Variants in ZNF599 observed in about 807,000 individuals in gnomAD.
ZNF599 encodes the protein zinc finger protein 599.
A neutral mutation model predicts 11.7 loss-of-function variants in ZNF599; 10 were observed. The ratio of observed to expected loss-of-function variants is 0.86; its 90% CI spans 0.53 to 1.45. The LOEUF (loss-of-function observed/expected upper bound fraction) is 1.45, where lower values mean the gene tolerates loss of function less well. Ranked by LOEUF, ZNF599 falls within the 40% of genes most tolerant of loss-of-function variation. The pLI is 0.00. For missense variants in ZNF599, 688 were observed against 713.6 expected, an observed-to-expected ratio of 0.96 and a Z score of 0.41; for synonymous variants, 232 against 253.2, an observed-to-expected ratio of 0.92 and a Z score of 0.79.
upstream of ZNF599, among the ~76,000 whole-genome samples, chr19:34,777,403 T>TA (rs1491215108): frequency 1.1e-5 from 1 of 88,504 alleles, no homozygotes; most frequent in Non-Finnish European, 2.0e-5. Context: ...TAATATATAT[T>TA]ATATATAATA....
At chr19:34,789,171 CT>C in the ZNF599 span, among the ~76,000 whole-genome samples, 146 of 152,236 alleles carry the variant, frequency 9.6e-4, no homozygotes, top group African/African-American at 3.4e-3. Context: ...GTAAAATTTG[CT>C]TTTCTGTGCC....
At chr19:34,777,445 A>G (rs1301724929), upstream of ZNF599, among the ~76,000 whole-genome samples, 1 of 97,516 alleles carries the variant, frequency 1.0e-5, no homozygotes, top group Non-Finnish European at 1.9e-5. Flanking sequence ...TATGATATAT[A>G]TTAATTAATA....
chr19:34,762,191 A>C (rs2069117454), intron 3 of ZNF599, among the ~76,000 whole-genome samples: 1 of 152,226 alleles, frequency 6.6e-6, no homozygotes, highest in Admixed American at 6.5e-5. Context: ...CATATTATGC[A>C]CTGATATTTC....
chr19:34,767,461 G>C (rs765840564), intron 2 of ZNF599, 50 bp from the exon 3 acceptor site: 42 of 1,489,524 alleles, frequency 2.8e-5, no homozygotes, highest in Non-Finnish European at 3.9e-5. Context: ...AAGACAAAAA[G>C]AAAAGTCTGA....
At position 34,758,256 on chromosome 19, in the gene ZNF599, T is replaced by G. The variant is rs552895557; in HGVS notation, c.*778A>C. On this transcript the variant is annotated 3_prime_UTR_variant, in exon 4 of 4. Transcript: ENST00000329285. ...AACGCTGTATTTCCCCTAGCAACAATCATTCAGCATTCACTAATTCAGTGT... is the reference window on the plus strand; with the variant it reads ...AACGCTGTATTTCCCCTAGCAACAAGCATTCAGCATTCACTAATTCAGTGT... The G allele has an allele frequency of 1.3e-5, 2 of 152,204 alleles. No individual in the cohort carries two copies. The highest frequency in any genetic ancestry group is 4.1e-4 in the South Asian group (2 of 4,824). 9.4% of individuals were successfully genotyped at this position (152,204 alleles called of 1,614,324 possible). A position where few individuals can be genotyped will look rare whatever the true frequency, so the allele number is the denominator to read the frequency against.
chr19:34,801,881 A>G, the ZNF599 span, among the ~76,000 whole-genome samples: 3 of 152,150 alleles, frequency 2.0e-5, no homozygotes, highest in African/African-American at 7.2e-5. Flanking sequence ...TGAAAGGATC[A>G]TTTTCCACAT....
At chr19:34,789,309 A>G in the ZNF599 span, among the ~76,000 whole-genome samples, 1 of 152,190 alleles carries the variant, frequency 6.6e-6, no homozygotes, top group African/African-American at 2.4e-5. Flanking sequence ...TAACATTGCA[A>G]TGAACATCAG....
At chr19:34,780,983 C>T in the ZNF599 span, among the ~76,000 whole-genome samples, 11 of 151,806 alleles carry the variant, frequency 7.2e-5, no homozygotes, top group Middle Eastern at 3.2e-3. Flanking sequence ...GATGAAACCC[C>T]ATCTCTACTA....
intron 1 of ZNF599, among the ~76,000 whole-genome samples, chr19:34,771,291 G>C (rs1348118486): frequency 6.6e-6 from 1 of 152,042 alleles, no homozygotes; most frequent in African/African-American, 2.4e-5. Context: ...TTTTATGCTC[G>C]ACATACTGGA....
At chr19:34,807,220 G>A in the ZNF599 span, among the ~76,000 whole-genome samples, 1 of 152,158 alleles carries the variant, frequency 6.6e-6, no homozygotes, top group Non-Finnish European at 1.5e-5. Context: ...TAAACACCAG[G>A]GCCTAGACTG....
chr19:34,770,340 C>T (rs191779461), intron 1 of ZNF599, among the ~76,000 whole-genome samples: 3 of 152,378 alleles, frequency 2.0e-5, no homozygotes, highest in Admixed American at 1.3e-4. Context: ...TGTACTCCTC[C>T]ATCACCACAG....
chr19:34,769,178 A>T (rs1321411983), intron 2 of ZNF599, among the ~76,000 whole-genome samples: 14 of 152,218 alleles, frequency 9.2e-5, no homozygotes, highest in Admixed American at 9.2e-4. Context: ...GCAGTCTGGG[A>T]TAAAGATGTC....
At chr19:34,791,119 G>A in the ZNF599 span, among the ~76,000 whole-genome samples, 1 of 152,148 alleles carries the variant, frequency 6.6e-6, no homozygotes, top group African/African-American at 2.4e-5. Context: ...CTAAATGTAG[G>A]CTAAGTGTAC....
chr19:34,798,921 A>G, the ZNF599 span, among the ~76,000 whole-genome samples: 1 of 151,860 alleles, frequency 6.6e-6, no homozygotes, highest in Non-Finnish European at 1.5e-5. Context: ...CCCTCCCCCA[A>G]TCTCCTGGCA....
rs994079983 is a variant in ZNF599, at chr19:34,773,133, T to C, written c.-292A>G. 1.5e-5 allele frequency: 6 copies of C among 399,536 alleles called. No homozygotes were observed. The highest frequency in any genetic ancestry group is 8.8e-5 in the Admixed American group (2 of 22,832). 24.7% of individuals were successfully genotyped at this position (399,536 alleles called of 1,614,324 possible). ...TCCGTCTCTACTCGGTCTCGAAAAGTGGCCCCTGTCTGGCGTTCTACCCAG... is the reference window on the plus strand; with the variant it reads ...TCCGTCTCTACTCGGTCTCGAAAAGCGGCCCCTGTCTGGCGTTCTACCCAG... On this transcript the variant is annotated 5_prime_UTR_variant, in exon 1 of 4. Coordinates refer to ENST00000329285, the MANE Select transcript of ZNF599 (RefSeq NM_001007248.3).
chr19:34,766,690 G>T (rs2069146115), intron 3 of ZNF599, among the ~76,000 whole-genome samples: 1 of 152,158 alleles, frequency 6.6e-6, no homozygotes. Flanking sequence ...ATAAGTATAT[G>T]TTCACTATAC....
In ZNF599 at chr19:34,771,991, G is replaced by A. The variant is rs567872182; in HGVS notation, c.18+833C>T. Reference sequence around the variant, plus strand: ...TCTCTCTGAAGAGACCCTGGAACAAGGTTAGATTGAAGTTAGAGAACAGAC... The same window carrying A: ...TCTCTCTGAAGAGACCCTGGAACAAAGTTAGATTGAAGTTAGAGAACAGAC... On this transcript the variant is annotated intron_variant, in intron 1 of 3. Transcript: ENST00000329285. 3.3e-5 allele frequency among the ~76,000 whole-genome samples: 5 copies of A among 152,270 alleles called. No individual in the cohort carries two copies. The South Asian group carries it at 1.0e-3, about 32-fold the overall frequency.
chr19:34,784,388 C>T, the ZNF599 span, among the ~76,000 whole-genome samples: 3 of 152,198 alleles, frequency 2.0e-5, no homozygotes, highest in African/African-American at 4.8e-5. Context: ...TATAAAGACT[C>T]TATTTCCAAA....
At chr19:34,788,673 A>T in the ZNF599 span, 7 of 152,230 alleles carry the variant, frequency 4.6e-5, no homozygotes, top group Non-Finnish European at 7.3e-5. Flanking sequence ...GAGAAGGCAC[A>T]TCTGTGGATT....
Sources: gnomAD v4.1 joint callset for allele counts (sites outside exome capture counted in the v4.1 genomes callset) on GRCh38, gnomAD v4.1.1 for gene constraint, MANE v1.5 for transcripts, NCBI Gene and HGNC (gene_info 2026-07-23, HGNC 2026-07-21) for gene names.